Variants in TPX2 observed in about 807,000 individuals in gnomAD.
TPX2 encodes the protein TPX2 microtubule nucleation factor, also known as targeting protein for Xklp2.
TPX2 carries 21 observed loss-of-function variants against 93.6 expected under a neutral mutation model. The ratio of observed to expected loss-of-function variants is 0.22; its 90% CI spans 0.16 to 0.32. TPX2 has a LOEUF of 0.32. TPX2 is among the 10% of genes least tolerant of loss of function. The pLI, the probability that TPX2 is intolerant of heterozygous loss-of-function variation, is 1.00. For missense variants in TPX2, 776 were observed against 871.1 expected (o/e 0.89, Z 1.37); for synonymous variants, 281 against 298.3 (o/e 0.94, Z 0.60).
chr20:31,763,628 CT>C (rs1420381506), intron 4 of TPX2, among the ~76,000 whole-genome samples: 1 of 151,754 alleles, frequency 6.6e-6, no homozygotes, highest in Non-Finnish European at 1.5e-5. Flanking sequence ...TAGTTTGAAG[CT>C]ACTATTAGAT....
chr20:31,756,259 A>G (rs113206460), intron 2 of TPX2, among the ~76,000 whole-genome samples: 1,837 of 152,316 alleles, frequency 0.012, 31 homozygotes, highest in African/African-American at 0.042. Flanking sequence ...CATAGTTAAT[A>G]TAAAATTGGA....
At chr20:31,769,237 T>C (rs2061948506) in intron 5 of TPX2, among the ~76,000 whole-genome samples, 2 of 151,548 alleles carry the variant, frequency 1.3e-5, no homozygotes. Context: ...AATTTTTTGT[T>C]TTTCTTCGAA....
Position 31,771,587 on chromosome 20 carries a change from A to C in TPX2, c.513A>C (p.Glu171Asp). ...CTAACAACAAAAAGAAGCCAGAGGA[A>C]GAAGGCAGTGCTCATCAAGATACTG... ...KVSNNKKKPEEEGSAHQDTAE... is the reference protein window; with the variant it reads ...KVSNNKKKPEDEGSAHQDTAE... Residue 171 changes from glutamate to aspartate, a missense_variant, in exon 7 of 18, where the codon GAA (glutamate) becomes GAC (aspartate). Coordinates refer to ENST00000300403, the MANE Select transcript of TPX2 (RefSeq NM_012112.5). 1 of 1,612,234 alleles carries C rather than the reference A, an allele frequency of 6.2e-7. No individual in the cohort carries two copies. Among genetic ancestry groups the C allele is most frequent in the Non-Finnish European group, 8.5e-7 (1 of 1,179,604 alleles).
chr20:31,762,493 G>T (rs983295059), intron 4 of TPX2, among the ~76,000 whole-genome samples: 3 of 152,018 alleles, frequency 2.0e-5, no homozygotes, highest in Admixed American at 6.6e-5. Flanking sequence ...GTGACTACAG[G>T]CGCGCACCAC....
chr20:31,785,601 G>A (rs995535476), intron 12 of TPX2, among the ~76,000 whole-genome samples: 3 of 151,910 alleles, frequency 2.0e-5, no homozygotes, highest in South Asian at 2.1e-4. Context: ...GGGTTTAAGC[G>A]ATTCTCCCAC....
chr20:31,778,672 C>T (rs575260484), intron 9 of TPX2, 141 bp from the exon 10 acceptor site: 8 of 725,112 alleles, frequency 1.1e-5, no homozygotes, highest in Non-Finnish European at 1.8e-5. Context: ...AACCCTTGCT[C>T]AAGGACTGAC....
intron 5 of TPX2, among the ~76,000 whole-genome samples, chr20:31,767,385 C>A (rs1224997318): frequency 6.7e-6 from 1 of 148,188 alleles, no homozygotes; most frequent in Admixed American, 6.7e-5. Flanking sequence ...TCTTTTTTTT[C>A]TTTGAGACAG....
intron 2 of TPX2, among the ~76,000 whole-genome samples, chr20:31,753,705 C>G (rs1292034135): frequency 6.6e-6 from 1 of 152,116 alleles, no homozygotes; most frequent in Admixed American, 6.6e-5. Flanking sequence ...AGATTGATGT[C>G]ACTGTATAAA....
At chr20:31,764,553 A>C (rs60672248) in intron 4 of TPX2, among the ~76,000 whole-genome samples, 12 of 152,014 alleles carry the variant, frequency 7.9e-5, no homozygotes, top group African/African-American at 2.9e-4. Context: ...TAATATAGCC[A>C]CTCTAGTTTT....
intron 11 of TPX2, among the ~76,000 whole-genome samples, chr20:31,783,065 G>C (rs1410157304): frequency 6.6e-6 from 1 of 152,090 alleles, no homozygotes; most frequent in Non-Finnish European, 1.5e-5. Flanking sequence ...TATTAGTGGA[G>C]GGAAATGGAA....
At chr20:31,777,790 T>G (rs1168188228) in intron 9 of TPX2, 152 bp downstream of exon 9, 1 of 870,568 alleles carries the variant, frequency 1.1e-6, no homozygotes, top group Non-Finnish European at 1.6e-6. Flanking sequence ...CTTTTTTTTT[T>G]TTTGAGATGG....
At chr20:31,764,846 C>T (rs573568743) in intron 4 of TPX2, among the ~76,000 whole-genome samples, 2 of 152,214 alleles carry the variant, frequency 1.3e-5, no homozygotes, top group African/African-American at 4.8e-5. Context: ...TCCCTGTCAT[C>T]TTGTTGCAGT....
intron 2 of TPX2, among the ~76,000 whole-genome samples, chr20:31,744,299 A>G (rs1403563266): frequency 6.7e-6 from 1 of 150,194 alleles, no homozygotes; most frequent in Admixed American, 6.7e-5. Flanking sequence ...AGTAGCTGGG[A>G]TTACAGGCAC....
In TPX2 at chr20:31,798,394, C is replaced by A; in HGVS notation, c.1975C>A (p.Pro659Thr). The change falls in exon 17 of 18, where the codon CCT becomes ACT. Residue 659 changes from proline (P) to threonine (T), a missense_variant. Around this residue, in one of 3 missense-constraint regions of TPX2, gnomAD observed 461 missense variants for 551.2 expected, o/e 0.84. Coordinates refer to ENST00000300403, the MANE Select transcript of TPX2 (RefSeq NM_012112.5). Reference sequence around the variant, plus strand: ...CCTTTCTGGTTCTCTAGTTCAGGAACCTTTTCAGCTGGCTACTGAGAAGAG... The same window carrying A: ...CCTTTCTGGTTCTCTAGTTCAGGAAACTTTTCAGCTGGCTACTGAGAAGAG... The part of the protein sequence containing the change: ...EGLSGSLVQE[P>T]FQLATEKRAK... 1.2e-6 allele frequency: 2 copies of A among 1,613,986 alleles called. No homozygotes were observed.
chr20:31,800,986 C>T lies in TPX2; in HGVS notation c.2150C>T (p.Pro717Leu), dbSNP rs1248641928. 4 of 1,614,140 alleles carry T rather than the reference C, an allele frequency of 2.5e-6. No individual in the cohort carries two copies. The East Asian group carries it at 6.7e-5, about 27-fold the overall frequency. Residue 717 changes from proline to leucine, a missense_variant, in exon 18 of 18, where the codon CCA (proline) becomes CTA (leucine). Pro to Leu is a moderately conservative substitution (Grantham distance 98, BLOSUM62 -3). Transcript: ENST00000300403. Reference protein sequence around the residue: ...LRRELVHKANPIRKYQGLEIK... With the variant: ...LRRELVHKANLIRKYQGLEIK... ...ACTTTGCAGGTGCATAAGGCAAATC[C>T]AATACGCAAGTACCAGGGTCTGGAG...
intron 17 of TPX2, 27 bp from the exon 18 acceptor site, chr20:31,800,943 C>T (rs2123108627): frequency 6.4e-7 from 1 of 1,558,820 alleles, no homozygotes; most frequent in East Asian, 2.2e-5. Context: ...ACATCCCTCT[C>T]ACTGGTAACT....
At chr20:31,785,468 C>G (rs2062059936) in intron 12 of TPX2, among the ~76,000 whole-genome samples, 1 of 151,644 alleles carries the variant, frequency 6.6e-6, no homozygotes, top group African/African-American at 2.4e-5. Flanking sequence ...TTCTATAACA[C>G]TCTTTTGGCA....
At position 31,748,470 on chromosome 20, in the gene TPX2, T is replaced by C. The variant is rs113790825; in HGVS notation, c.-71+5823T>C. The stretch of plus-strand genomic sequence containing the variant: ...TAAAAAATTTATGGGAAGATTCAGA[T>C]CAGAGCTTTCCAAATATATTTATAA... On this transcript the variant is annotated intron_variant, in intron 2 of 17. Coordinates refer to ENST00000300403, the MANE Select transcript of TPX2 (RefSeq NM_012112.5). Among the ~76,000 whole-genome samples, 11 of 152,340 alleles carry C rather than the reference T, an allele frequency of 7.2e-5. 1 individual carries two copies. Among genetic ancestry groups the C allele is most frequent in the African/African-American group, 2.6e-4 (11 of 41,580 alleles).
At chr20:31,798,841 A>C (rs1486378393) in intron 17 of TPX2, among the ~76,000 whole-genome samples, 1 of 152,268 alleles carries the variant, frequency 6.6e-6, no homozygotes, top group Non-Finnish European at 1.5e-5. Flanking sequence ...CAGTTGTTCA[A>C]AAAATACATT....
Sources: gnomAD v4.1 joint callset for allele counts (sites outside exome capture counted in the v4.1 genomes callset) on GRCh38, gnomAD v4.1.1 for gene constraint, gnomAD v4.1.1 regional missense constraint, MANE v1.5 for transcripts, NCBI Gene and HGNC (gene_info 2026-07-23, HGNC 2026-07-21) for gene names.